ABCA12: variants seen among roughly 807,000 people sequenced by gnomAD.
ABCA12 encodes glucosylceramide transporter ABCA12.
ABCA12 carries 156 observed loss-of-function variants against 293.5 expected under a neutral mutation model. The observed-to-expected ratio is 0.53, with a 90% CI of 0.47 to 0.61. The LOEUF (loss-of-function observed/expected upper bound fraction) is 0.61, where lower values mean the gene tolerates loss of function less well. ABCA12 is among the 20% of genes least tolerant of loss of function. ABCA12 has a pLI of 0.00. For missense variants in ABCA12, 2,797 were observed against 3,090.2 expected (o/e 0.91, Z 2.25); for synonymous variants, 1,063 against 1,108.0 (o/e 0.96, Z 0.81).
In ABCA12 at chr2:214,975,986, T is replaced by C; in HGVS notation, c.5180A>G (p.Lys1727Arg). ...CTTGATGAGTATAGCCATGATCTTC[T>C]TCAGCAACAGTCCAAAGCCATCCAG... ...ERLDGFGLLL[K>R]KIMAILIKRF... Residue 1727 changes from lysine to arginine, a missense_variant, in exon 34 of 53, where the codon AAG becomes AGG. Lys to Arg is a conservative substitution (Grantham distance 26, BLOSUM62 2). Coordinates refer to ENST00000272895, the MANE Select transcript of ABCA12 (RefSeq NM_173076.3). 3 of 1,614,108 alleles carry C rather than the reference T, an allele frequency of 1.9e-6. No homozygotes were observed. Among genetic ancestry groups the C allele is most frequent in the Non-Finnish European group, 2.5e-6 (3 of 1,179,990 alleles).
rs777461228 is a variant in ABCA12, at chr2:215,015,521, T to C, written c.1925A>G (p.His642Arg). The change falls in exon 15 of 53, where the codon CAC becomes CGC. Residue 642 changes from histidine to arginine, a missense_variant. Physicochemically the swap from His to Arg is conservative, Grantham distance 29 (BLOSUM62 0). Around this residue, in one of 3 missense-constraint regions of ABCA12, gnomAD observed 2,130 missense variants for 2,427.0 expected, o/e 0.88. Coordinates refer to ENST00000272895, the MANE Select transcript of ABCA12 (RefSeq NM_173076.3). ...TGTGAAGTTGTAAATGTTTAAGTAG[T>C]GCAGAAGGGTGAGTCCGATGAGGTA... ...QSYLIGLTLL[H>R]YLNIYNFTYK... 16 of 1,614,026 alleles carry C rather than the reference T, an allele frequency of 9.9e-6. No individual in the cohort carries two copies. Among genetic ancestry groups the C allele is most frequent in the African/African-American group, 4.0e-5 (3 of 74,924 alleles).
intron 13 of ABCA12, among the ~76,000 whole-genome samples, chr2:215,018,637 G>A (rs1344032255): frequency 2.0e-5 from 3 of 152,072 alleles, no homozygotes; most frequent in Non-Finnish European, 4.4e-5. Flanking sequence ...CTTTTAAATA[G>A]AACGTGTTTA....
At position 214,943,003 on chromosome 2, in the gene ABCA12, T is replaced by G. The variant is rs745863207; in HGVS notation, c.7358A>C (p.Glu2453Ala). The G allele has an allele frequency of 3.1e-6, 5 of 1,613,218 alleles. No homozygotes were observed. In the Admixed American group the frequency reaches 8.3e-5, roughly 27 times the overall value. Residue 2453 changes from glutamate (E) to alanine (A), a missense_variant, in exon 50 of 53, where the codon GAA (glutamate) becomes GCA (alanine). Glu to Ala is a moderately radical substitution (Grantham distance 107). Around this residue, in one of 3 missense-constraint regions of ABCA12, gnomAD observed 2,130 missense variants for 2,427.0 expected, o/e 0.88. Transcript: ENST00000272895. ...ILTSHSMEECEALCTRLAIMV... is the reference protein window; with the variant it reads ...ILTSHSMEECAALCTRLAIMV... Reference sequence around the variant, plus strand: ...AATGGCCAACCTGGTACAGAGAGCTTCACATTCTTCCATGCTAAAAGACAA... The same window carrying G: ...AATGGCCAACCTGGTACAGAGAGCTGCACATTCTTCCATGCTAAAAGACAA...
chr2:215,014,913 G>T (rs948077495), intron 15 of ABCA12, among the ~76,000 whole-genome samples: 2 of 151,800 alleles, frequency 1.3e-5, no homozygotes, highest in East Asian at 1.9e-4. Flanking sequence ...TTTTTCTTTC[G>T]GTTATTTAGT....
chr2:215,070,479 A>G (rs772210800), intron 2 of ABCA12, among the ~76,000 whole-genome samples: 4 of 151,396 alleles, frequency 2.6e-5, no homozygotes, highest in Admixed American at 2.0e-4. Flanking sequence ...TGCTGCACCC[A>G]TTAACTCGTC....
Position 214,949,141 on chromosome 2 carries a change from C to T in ABCA12, c.6861G>A (p.Gly2287=), listed in dbSNP as rs1191213553. 19 of 1,612,858 alleles carry T rather than the reference C, an allele frequency of 1.2e-5. No individual in the cohort carries two copies. The highest frequency in any genetic ancestry group is 1.5e-5 in the Non-Finnish European group (18 of 1,179,290). Residue 2287 remains glycine (G), a synonymous_variant, in exon 46 of 53, where the codon GGG becomes GGA. Transcript: ENST00000272895. ...TTCCTGCTCCATTCACTCCAAGAAGCCCAAAACACTGGTTTGAGGGAGAAA... is the reference window on the plus strand; with the variant it reads ...TTCCTGCTCCATTCACTCCAAGAAGTCCAAAACACTGGTTTGAGGGAGAAA... ...SIGIPAGECF[G]LLGVNGAGKT... is the part of the protein sequence containing the mutation.
At chr2:215,020,359 C>T (rs1700601983) in intron 11 of ABCA12, among the ~76,000 whole-genome samples, 2 of 151,764 alleles carry the variant, frequency 1.3e-5, no homozygotes, top group Non-Finnish European at 2.9e-5. Flanking sequence ...AATTCTGACA[C>T]AGGCCATAAC....
chr2:215,100,152 C>T (rs1270749263), intron 2 of ABCA12, among the ~76,000 whole-genome samples: 1 of 151,994 alleles, frequency 6.6e-6, no homozygotes, highest in East Asian at 1.9e-4. Context: ...GTAGCTGGCA[C>T]CACAGGCACA....
chr2:215,042,425 T>A (rs937797615), intron 7 of ABCA12: 8 of 152,122 alleles, frequency 5.3e-5, no homozygotes, highest in African/African-American at 1.2e-4. Flanking sequence ...ATTTTATTTT[T>A]TTGTAGAGAT....
chr2:215,103,263 CTTTCTTTTT>C (rs1266839612), intron 2 of ABCA12, among the ~76,000 whole-genome samples: 3 of 81,380 alleles, frequency 3.7e-5, no homozygotes, highest in African/African-American at 1.1e-4. Context: ...CTTAAAATTT[CTTTCTTTTT>C]TTTTTTTTTT....
intron 50 of ABCA12, among the ~76,000 whole-genome samples, chr2:214,939,137 G>A (rs1021119870): frequency 2.6e-5 from 4 of 152,110 alleles, no homozygotes; most frequent in Admixed American, 6.6e-5. Flanking sequence ...ATTAATTTTT[G>A]TATAAGGTGT....
In ABCA12 at chr2:214,975,847, A is replaced by T. The variant is rs1196810789; in HGVS notation, c.5319T>A (p.Ser1773Arg). The T allele has an allele frequency of 1.9e-6, 3 of 1,613,980 alleles. No homozygotes were observed. The highest frequency in any genetic ancestry group is 1.7e-6 in the Non-Finnish European group (2 of 1,179,984). Residue 1773 changes from serine (S) to arginine (R), a missense_variant, in exon 34 of 53, where the codon AGT becomes AGA. By Grantham distance (110) the Ser-to-Arg change is moderately radical (BLOSUM62 -1). Around this residue, in one of 3 missense-constraint regions of ABCA12, gnomAD observed 2,130 missense variants for 2,427.0 expected, o/e 0.88. Transcript: ENST00000272895. Reference protein sequence around the residue: ...GLGTLRNSSNSYPEIQISPSL... With the variant: ...GLGTLRNSSNRYPEIQISPSL... The stretch of plus-strand genomic sequence containing the variant: ...AGGGGGAGATCTGAATCTCTGGATA[A>T]CTGTTGCTGGAATTTCTCAGTGTGC...
chr2:214,979,600 T>C (rs1279878806), intron 31 of ABCA12, among the ~76,000 whole-genome samples: 1 of 152,020 alleles, frequency 6.6e-6, no homozygotes, highest in Non-Finnish European at 1.5e-5. Flanking sequence ...TATGAAATAA[T>C]TTACTTATTG....
At chr2:215,059,918 C>T (rs1319426364) in intron 3 of ABCA12, among the ~76,000 whole-genome samples, 2 of 152,022 alleles carry the variant, frequency 1.3e-5, no homozygotes, top group Non-Finnish European at 2.9e-5. Flanking sequence ...CATTCTTTCT[C>T]CATGACCTAT....
At chr2:215,109,550 T>C (rs1291735243) in intron 2 of ABCA12, among the ~76,000 whole-genome samples, 1 of 152,222 alleles carries the variant, frequency 6.6e-6, no homozygotes, top group African/African-American at 2.4e-5. Flanking sequence ...ATCACTTCCT[T>C]GGCTAGTTAT....
At chr2:215,107,815 T>C (rs1702493933) in intron 2 of ABCA12, among the ~76,000 whole-genome samples, 1 of 152,244 alleles carries the variant, frequency 6.6e-6, no homozygotes, top group Admixed American at 6.5e-5. Context: ...GTGGGATCCA[T>C]GCATGTTGTT....
At chr2:215,003,949 T>G (rs904580177) in intron 20 of ABCA12, among the ~76,000 whole-genome samples, 11 of 152,334 alleles carry the variant, frequency 7.2e-5, no homozygotes, top group African/African-American at 9.6e-5. Flanking sequence ...ATTATAGGCG[T>G]GAGCCACCAC....
chr2:214,965,561 G>C (rs186983537), intron 39 of ABCA12, among the ~76,000 whole-genome samples: 2 of 152,008 alleles, frequency 1.3e-5, no homozygotes, highest in Non-Finnish European at 2.9e-5. Flanking sequence ...ACATTAAAAA[G>C]TGGGCAAAGG....
intron 1 of ABCA12, among the ~76,000 whole-genome samples, chr2:215,114,456 C>G (rs1702645653): frequency 6.6e-6 from 1 of 152,122 alleles, no homozygotes; most frequent in South Asian, 2.1e-4. Context: ...TTTGTATTCT[C>G]TGGGTGCAGA....
Sources: allele counts gnomAD v4.1 joint callset (sites outside exome capture counted in the v4.1 genomes callset), GRCh38; gene constraint gnomAD v4.1.1; regional missense constraint gnomAD v4.1.1; transcripts MANE v1.5; gene names NCBI Gene and HGNC (gene_info 2026-07-23, HGNC 2026-07-21).